Variants in LUZP2 observed in about 807,000 individuals in gnomAD.
The protein encoded by LUZP2 is leucine zipper protein 2.
LUZP2 carries 52 observed loss-of-function variants against 51.6 expected under a neutral mutation model. The observed-to-expected ratio is 1.01, with a 90% CI of 0.81 to 1.27. The LOEUF (loss-of-function observed/expected upper bound fraction) is 1.27, where lower values mean the gene tolerates loss of function less well. LUZP2 is among the 50% of genes most tolerant of loss of function. The pLI is 0.00. For synonymous variants in LUZP2, 154 were observed against 137.3 expected, an observed-to-expected ratio of 1.12 and a Z score of -0.85; for missense variants, 436 against 395.4, an observed-to-expected ratio of 1.10 and a Z score of -0.87.
intron 5 of LUZP2, among the ~76,000 whole-genome samples, chr11:24,824,002 G>T (rs1242029978): frequency 6.6e-6 from 1 of 151,860 alleles, no homozygotes. Flanking sequence ...GGCAGAGGTT[G>T]CAGTGAGCCA....
At chr11:24,733,618 G>A (rs1181120874) in intron 3 of LUZP2, among the ~76,000 whole-genome samples, 8 of 151,794 alleles carry the variant, frequency 5.3e-5, no homozygotes, top group Non-Finnish European at 1.2e-4. Context: ...AGGGTCAGAG[G>A]TAGCTGGGGA....
At chr11:24,725,608 A>G (rs1393977013) in intron 1 of LUZP2, among the ~76,000 whole-genome samples, 1 of 152,150 alleles carries the variant, frequency 6.6e-6, no homozygotes, top group Non-Finnish European at 1.5e-5. Context: ...AGAGGGGTAA[A>G]TGTAAATACC....
At chr11:24,623,902 C>CTATT (rs1172828007) in intron 1 of LUZP2, among the ~76,000 whole-genome samples, 35 of 152,244 alleles carry the variant, frequency 2.3e-4, no homozygotes, top group African/African-American at 7.7e-4. Flanking sequence ...ACTTGTTAAA[C>CTATT]ATTTGCTGTC....
At chr11:24,995,482 T>A (rs1856464940) in intron 9 of LUZP2, among the ~76,000 whole-genome samples, 1 of 152,192 alleles carries the variant, frequency 6.6e-6, no homozygotes, top group African/African-American at 2.4e-5. Flanking sequence ...TATTTATCAT[T>A]TCTGGACTCA....
intron 10 of LUZP2, among the ~76,000 whole-genome samples, chr11:25,062,587 CAAAA>C (rs1163708322): frequency 4.6e-5 from 2 of 43,106 alleles, no homozygotes; most frequent in South Asian, 1.9e-3. Flanking sequence ...AAGACCCTGT[CAAAA>C]AAAAAAAAAA....
chr11:24,544,267 G>C (rs1851472342), intron 1 of LUZP2, among the ~76,000 whole-genome samples: 1 of 151,974 alleles, frequency 6.6e-6, no homozygotes, highest in Non-Finnish European at 1.5e-5. Flanking sequence ...GTAGTGGTAG[G>C]CTAACATTCT....
At chr11:24,686,005 C>T (rs538187501) in intron 1 of LUZP2, among the ~76,000 whole-genome samples, 1 of 152,172 alleles carries the variant, frequency 6.6e-6, no homozygotes, top group Non-Finnish European at 1.5e-5. Flanking sequence ...GATTGACACT[C>T]TTATATAGTG....
chr11:24,664,682 C>G (rs766684404), intron 1 of LUZP2, among the ~76,000 whole-genome samples: 2 of 152,304 alleles, frequency 1.3e-5, no homozygotes, highest in East Asian at 3.9e-4. Context: ...CAGGGGCCAA[C>G]ATACAGCTTA....
intron 5 of LUZP2, among the ~76,000 whole-genome samples, chr11:24,769,800 T>C (rs1218243394): frequency 1.3e-5 from 2 of 151,272 alleles, no homozygotes; most frequent in Non-Finnish European, 2.9e-5. Flanking sequence ...TTTGTTTGTT[T>C]GTTTTGTTTT....
chr11:24,856,834 T>C (rs540444767), intron 5 of LUZP2, among the ~76,000 whole-genome samples: 10 of 152,038 alleles, frequency 6.6e-5, no homozygotes, highest in Middle Eastern at 3.4e-3. Flanking sequence ...CTGAAATAAG[T>C]CAGAAATAAA....
chr11:25,065,542 G>T (rs1858973374), intron 10 of LUZP2, among the ~76,000 whole-genome samples: 2 of 151,936 alleles, frequency 1.3e-5, no homozygotes, highest in Non-Finnish European at 2.9e-5. Context: ...GTAGATTTAA[G>T]AATTTAAACA....
At chr11:24,840,750 C>G (rs1451817918) in intron 5 of LUZP2, among the ~76,000 whole-genome samples, 1 of 151,894 alleles carries the variant, frequency 6.6e-6, no homozygotes, top group Non-Finnish European at 1.5e-5. Context: ...AATGGCAATA[C>G]AGAAAGCATG....
chr11:24,967,107 T>C (rs1241400034), intron 7 of LUZP2, among the ~76,000 whole-genome samples: 1 of 151,776 alleles, frequency 6.6e-6, no homozygotes, highest in Admixed American at 6.6e-5. Context: ...AACAACACAC[T>C]GCTATTAATA....
At chr11:24,892,465 A>T (rs1415876902) in intron 5 of LUZP2, 1 of 858,790 alleles carries the variant, frequency 1.2e-6, no homozygotes, top group Non-Finnish European at 1.4e-6. Context: ...CCATCCAGAA[A>T]AAGTTAAAAT....
intron 1 of LUZP2, among the ~76,000 whole-genome samples, chr11:24,670,678 A>G (rs1057194460): frequency 4.1e-4 from 62 of 152,054 alleles, no homozygotes; most frequent in African/African-American, 1.4e-3. Context: ...TTTTTAATTA[A>G]TTTACAAGAA....
chr11:24,922,837 C>CTTTTTTTTTT (rs749672583), intron 7 of LUZP2, among the ~76,000 whole-genome samples: 10 of 47,312 alleles, frequency 2.1e-4, no homozygotes, highest in East Asian at 8.2e-4. Flanking sequence ...TTTTTTTTTT[C>CTTTTTTTTTT]TTTTTTTTTT....
chr11:24,923,897 C>T (rs1408112745), intron 7 of LUZP2, among the ~76,000 whole-genome samples: 4 of 152,118 alleles, frequency 2.6e-5, no homozygotes, highest in Admixed American at 6.5e-5. Flanking sequence ...GCTGCTTCCT[C>T]TACTCTGTGT....
At chr11:24,737,157 G>A (rs1315014389) in intron 3 of LUZP2, among the ~76,000 whole-genome samples, 1 of 152,012 alleles carries the variant, frequency 6.6e-6, no homozygotes, top group Non-Finnish European at 1.5e-5. Context: ...CATTTGTTAA[G>A]GAATTCTTTC....
At chr11:25,014,175 G>A (rs1857070478) in intron 9 of LUZP2, among the ~76,000 whole-genome samples, 1 of 152,164 alleles carries the variant, frequency 6.6e-6, no homozygotes, top group South Asian at 2.1e-4. Flanking sequence ...TTGGTTCCAA[G>A]TCTTTGCTAT....
Sources: allele counts gnomAD v4.1 joint callset (sites outside exome capture counted in the v4.1 genomes callset), GRCh38; gene constraint gnomAD v4.1.1; transcripts MANE v1.5; gene names NCBI Gene and HGNC (gene_info 2026-07-23, HGNC 2026-07-21).